Variants in NRXN1 observed in about 807,000 individuals in gnomAD.
NRXN1 encodes the protein neurexin-1.
A neutral mutation model predicts 150.9 loss-of-function variants in NRXN1; 39 were observed. The observed-to-expected ratio is 0.26, with a 90% CI of 0.20 to 0.34. The LOEUF is 0.34. Among genes scored for constraint, NRXN1 ranks in the 10% least tolerant of loss-of-function variants. The pLI, the probability that NRXN1 is intolerant of heterozygous loss-of-function variation, is 1.00. For missense variants in NRXN1, 1,815 were observed against 1,949.9 expected, an observed-to-expected ratio of 0.93 and a Z score of 1.30; for synonymous variants, 924 against 757.0, an observed-to-expected ratio of 1.22 and a Z score of -3.62.
intron 5 of NRXN1, among the ~76,000 whole-genome samples, chr2:50,849,530 C>T (rs779751385): frequency 2.0e-5 from 3 of 152,172 alleles, no homozygotes; most frequent in Non-Finnish European, 4.4e-5. Flanking sequence ...ACCAACGTTA[C>T]CCAATTAAGT....
intron 5 of NRXN1, among the ~76,000 whole-genome samples, chr2:50,848,101 C>T (rs933480777): frequency 6.6e-6 from 1 of 152,130 alleles, no homozygotes; most frequent in Non-Finnish European, 1.5e-5. Flanking sequence ...GTAACACACG[C>T]CCACTGGGGT....
chr2:50,830,690 C>A (rs1671285007), intron 5 of NRXN1, among the ~76,000 whole-genome samples: 1 of 149,862 alleles, frequency 6.7e-6, no homozygotes, highest in Non-Finnish European at 1.5e-5. Context: ...GTTTTCACTG[C>A]TTGGTCCATT....
chr2:50,638,131 TG>T (rs1683501219), intron 5 of NRXN1, among the ~76,000 whole-genome samples: 1 of 152,110 alleles, frequency 6.6e-6, no homozygotes, highest in Admixed American at 6.6e-5. Context: ...GATGAAAAAC[TG>T]GGTCTCTAGA....
At chr2:50,261,378 G>A (rs148471455) in intron 17 of NRXN1, among the ~76,000 whole-genome samples, 1 of 151,742 alleles carries the variant, frequency 6.6e-6, no homozygotes, top group Admixed American at 6.6e-5. Context: ...ATTTTCTCCT[G>A]GAGTTAAATT....
chr2:50,754,504 T>A lies in NRXN1; in HGVS notation c.833-130889A>T, dbSNP rs550571241. On this transcript the variant is annotated intron_variant, in intron 5 of 22. Coordinates refer to ENST00000401669, the MANE Select transcript of NRXN1 (RefSeq NM_001330078.2). ...AATGTAAATTATCAGTAAAATTTCC[T>A]TAGTTATCTATTTCACTGTGAAATA... Among the ~76,000 whole-genome samples, 144 of 151,996 alleles carry A rather than the reference T, an allele frequency of 9.5e-4. 1 individual carries two copies. Among genetic ancestry groups the A allele is most frequent in the African/African-American group, 3.3e-3 (138 of 41,530 alleles).
intron 17 of NRXN1, among the ~76,000 whole-genome samples, chr2:50,395,061 T>A (rs769350775): frequency 9.2e-5 from 14 of 152,090 alleles, no homozygotes; most frequent in Non-Finnish European, 1.8e-4. Flanking sequence ...CTTTTTCCCA[T>A]TTCCCTGCTA....
At chr2:50,663,050 G>T (rs1315149450) in intron 5 of NRXN1, among the ~76,000 whole-genome samples, 2 of 152,016 alleles carry the variant, frequency 1.3e-5, no homozygotes, top group African/African-American at 4.8e-5. Flanking sequence ...ATGATGCCCA[G>T]TAATAATAAA....
At chr2:50,102,088 G>C (rs1021519335) in intron 18 of NRXN1, among the ~76,000 whole-genome samples, 4 of 152,018 alleles carry the variant, frequency 2.6e-5, no homozygotes, top group Non-Finnish European at 4.4e-5. Flanking sequence ...TATCCCTGAA[G>C]TGGTAAGTAA....
intron 15 of NRXN1, among the ~76,000 whole-genome samples, chr2:50,482,573 T>C (rs1433774744): frequency 2.0e-5 from 3 of 152,142 alleles, no homozygotes; most frequent in African/African-American, 7.2e-5. Flanking sequence ...ACCTCACATA[T>C]ACTGCTGTAC....
At chr2:49,949,835 T>A (rs1304380958) in intron 21 of NRXN1, among the ~76,000 whole-genome samples, 1 of 151,860 alleles carries the variant, frequency 6.6e-6, no homozygotes, top group Non-Finnish European at 1.5e-5. Context: ...CTGGCTGAAA[T>A]ATGATATCTT....
chr2:50,779,982 C>A (rs1192543716), intron 5 of NRXN1, among the ~76,000 whole-genome samples: 2 of 152,056 alleles, frequency 1.3e-5, no homozygotes, highest in African/African-American at 2.4e-5. Context: ...ACACTCCCAC[C>A]AACAGTGTAA....
intron 18 of NRXN1, among the ~76,000 whole-genome samples, chr2:50,118,585 T>A (rs1703402770): frequency 6.6e-6 from 1 of 152,198 alleles, no homozygotes; most frequent in Non-Finnish European, 1.5e-5. Context: ...ATTTTGCTTT[T>A]GTAAGTAGCT....
At chr2:50,054,596 T>C (rs1375490751) in intron 20 of NRXN1, among the ~76,000 whole-genome samples, 1 of 152,156 alleles carries the variant, frequency 6.6e-6, no homozygotes, top group Admixed American at 6.6e-5. Context: ...GAACTACATA[T>C]ATTTTAGTTA....
At chr2:50,956,731 TA>T (rs1433856944) in intron 2 of NRXN1, among the ~76,000 whole-genome samples, 2 of 151,272 alleles carry the variant, frequency 1.3e-5, no homozygotes, top group Non-Finnish European at 2.9e-5. Context: ...TATATAATAA[TA>T]ATAATAATAA....
intron 5 of NRXN1, among the ~76,000 whole-genome samples, chr2:50,697,301 G>T (rs563004361): frequency 1.3e-5 from 2 of 152,294 alleles, no homozygotes; most frequent in African/African-American, 4.8e-5. Context: ...GATAAGGTAA[G>T]TTAGGACAGT....
intron 18 of NRXN1, among the ~76,000 whole-genome samples, chr2:50,129,543 T>C (rs1392182989): frequency 6.6e-6 from 1 of 152,198 alleles, no homozygotes; most frequent in Non-Finnish European, 1.5e-5. Flanking sequence ...TTAAAGAAAT[T>C]TTATTTTGCT....
intron 21 of NRXN1, among the ~76,000 whole-genome samples, chr2:50,008,939 T>C (rs561694997): frequency 2.4e-4 from 37 of 152,220 alleles, no homozygotes; most frequent in African/African-American, 8.4e-4. Flanking sequence ...TTTTTAAGAG[T>C]TGATAAATTT....
intron 5 of NRXN1, among the ~76,000 whole-genome samples, chr2:50,646,001 C>T (rs1410152408): frequency 6.6e-6 from 1 of 151,816 alleles, no homozygotes; most frequent in African/African-American, 2.4e-5. Context: ...GGAAGGGCTT[C>T]CCTAGAAAGG....
At chr2:50,599,278 C>T (rs1022730241) in intron 8 of NRXN1, among the ~76,000 whole-genome samples, 6 of 152,116 alleles carry the variant, frequency 3.9e-5, no homozygotes, top group Non-Finnish European at 5.9e-5. Flanking sequence ...AGATTGCAAG[C>T]TCACTAAGAA....
Sources: allele counts gnomAD v4.1 joint callset (sites outside exome capture counted in the v4.1 genomes callset), GRCh38; gene constraint gnomAD v4.1.1; transcripts MANE v1.5; gene names NCBI Gene and HGNC (gene_info 2026-07-23, HGNC 2026-07-21).